Variants in ALMS1 observed in about 807,000 individuals in gnomAD.
ALMS1 encodes the protein ALMS1 centrosome and basal body associated protein.
Under a neutral mutation model 352.2 loss-of-function variants are expected in ALMS1, and 271 were observed. The observed-to-expected ratio is 0.77, with a 90% CI of 0.70 to 0.85. The LOEUF is 0.85. Among genes scored for constraint, ALMS1 ranks in the 40% least tolerant of loss-of-function variants. ALMS1 has a pLI of 0.00. For synonymous variants in ALMS1, 1,865 were observed against 1,761.2 expected (o/e 1.06, Z -1.48); for missense variants, 5,445 against 4,870.7 (o/e 1.12, Z -3.51).
intron 16 of ALMS1, among the ~76,000 whole-genome samples, chr2:73,575,835 T>G (rs1675041275): frequency 6.9e-6 from 1 of 144,628 alleles, no homozygotes; most frequent in African/African-American, 2.8e-5. Context: ...TAAATTTTGA[T>G]GTAGTCCAAT....
intron 15 of ALMS1, among the ~76,000 whole-genome samples, chr2:73,568,213 T>A (rs1017758351): frequency 6.6e-6 from 1 of 152,228 alleles, no homozygotes; most frequent in African/African-American, 2.4e-5. Context: ...CTTAGTATTG[T>A]TGAGTACATG....
intron 15 of ALMS1, among the ~76,000 whole-genome samples, chr2:73,564,460 C>A (rs907065911): frequency 3.7e-5 from 5 of 134,776 alleles, no homozygotes; most frequent in Non-Finnish European, 6.2e-5. Flanking sequence ...AGCAAGACTC[C>A]GTCTCAAAAA....
chr2:73,596,519 G>T (rs6723245), intron 16 of ALMS1, among the ~76,000 whole-genome samples: 9,208 of 150,110 alleles, frequency 0.061, 677 homozygotes, highest in African/African-American at 0.17. Context: ...TCATCAAGGC[G>T]GGAGTGCAGT....
intron 13 of ALMS1, among the ~76,000 whole-genome samples, chr2:73,555,992 C>G (rs570194353): frequency 6.6e-6 from 1 of 152,070 alleles, no homozygotes; most frequent in African/African-American, 2.4e-5. Context: ...TAAAGAATTA[C>G]AAAACATCCT....
chr2:73,595,204 T>C (rs1260842754), intron 16 of ALMS1, among the ~76,000 whole-genome samples: 3 of 152,196 alleles, frequency 2.0e-5, no homozygotes, highest in African/African-American at 7.2e-5. Flanking sequence ...TAAAATTTCA[T>C]CCATTTTAAG....
intron 1 of ALMS1, among the ~76,000 whole-genome samples, chr2:73,399,001 G>A (rs1462618296): frequency 6.6e-6 from 1 of 152,060 alleles, no homozygotes; most frequent in Non-Finnish European, 1.5e-5. Flanking sequence ...CTGCCACCAT[G>A]CCTGGCTAAT....
chr2:73,530,341 C>T (rs1306411812), intron 11 of ALMS1, among the ~76,000 whole-genome samples: 1 of 152,214 alleles, frequency 6.6e-6, no homozygotes, highest in Admixed American at 6.5e-5. Context: ...TTACAGGCCC[C>T]ATGCAAGTTG....
At chr2:73,414,674 T>A (rs1349830137) in intron 2 of ALMS1, among the ~76,000 whole-genome samples, 1 of 152,014 alleles carries the variant, frequency 6.6e-6, no homozygotes, top group East Asian at 1.9e-4. Context: ...TTATTAATCA[T>A]TACATAACTT....
chr2:73,573,671 A>G (rs1050981392), intron 16 of ALMS1: 8 of 622,640 alleles, frequency 1.3e-5, no homozygotes, highest in Non-Finnish European at 2.3e-5. Context: ...CACAGTCTGC[A>G]AAGTTTACCC....
At chr2:73,585,317 G>A (rs1244166303) in intron 16 of ALMS1, among the ~76,000 whole-genome samples, 1 of 151,200 alleles carries the variant, frequency 6.6e-6, no homozygotes, top group African/African-American at 2.4e-5. Flanking sequence ...TTTATTTATG[G>A]CCATTCTTGC....
At chr2:73,492,656 A>G (rs1381786754) in intron 10 of ALMS1, among the ~76,000 whole-genome samples, 1 of 152,190 alleles carries the variant, frequency 6.6e-6, no homozygotes. Context: ...TTAGGGATTG[A>G]GATAATAGAT....
In ALMS1 at chr2:73,419,054, C is replaced by T. The variant is rs939529748; in HGVS notation, c.451-69C>T. Reference sequence around the variant, plus strand: ...TATATAATACATGAGTGGACATTTTCATCTAAATATTAATATGTATGGTAA... The same window carrying T: ...TATATAATACATGAGTGGACATTTTTATCTAAATATTAATATGTATGGTAA... On this transcript the variant is annotated intron_variant, in intron 2 of 22. Transcript: ENST00000613296. 7 of 1,311,386 alleles carry T rather than the reference C, an allele frequency of 5.3e-6. No homozygotes were observed. The African/African-American group carries it at 1.0e-4, about 19-fold the overall frequency. The allele number at this position is 1,311,386 out of a possible 1,614,324, so 81.2% of individuals were successfully genotyped here.
intron 9 of ALMS1, among the ~76,000 whole-genome samples, chr2:73,484,217 G>T (rs879738431): frequency 0.06 from 9,147 of 151,672 alleles, 761 homozygotes; most frequent in African/African-American, 0.16. Flanking sequence ...GGTACTGGTT[G>T]TTCCTTTCCA....
At chr2:73,464,575 A>G (rs533184862) in intron 9 of ALMS1, among the ~76,000 whole-genome samples, 13 of 152,290 alleles carry the variant, frequency 8.5e-5, no homozygotes, top group South Asian at 4.1e-4. Context: ...TATTCAACAT[A>G]GTGTTGGAAG....
chr2:73,454,410 C>G (rs1260814469), intron 8 of ALMS1: 1 of 969,710 alleles, frequency 1.0e-6, no homozygotes, highest in African/African-American at 1.8e-5. Flanking sequence ...CTAAAGCTAT[C>G]ACGTTTCTCT....
chr2:73,580,863 A>G, intron 16 of ALMS1, among the ~76,000 whole-genome samples: 1 of 152,078 alleles, frequency 6.6e-6, no homozygotes, highest in East Asian at 1.9e-4. Flanking sequence ...TTTGATAGAG[A>G]TTTTCTTAAA....
intron 14 of ALMS1, 48 bp from the exon 15 acceptor site, chr2:73,558,924 T>G (rs772843533): frequency 7.5e-6 from 12 of 1,598,246 alleles, no homozygotes; most frequent in African/African-American, 1.3e-5. Context: ...TTAAAAATCT[T>G]TTATGTCAAG....
rs1396386580 is a variant in ALMS1 at position 73,491,468 on chromosome 2, A to G, written c.9509A>G (p.Asn3170Ser). Residue 3170 changes from asparagine (N) to serine (S), a missense_variant, in exon 10 of 23, where the codon AAT becomes AGT. Transcript: ENST00000613296. The stretch of plus-strand genomic sequence containing the variant: ...ATTTCAGATTTCGAAGGACATTCCA[A>G]TCCAGAGGGGACCCCAGTATTTGCA... Reference protein sequence around the residue: ...VNISDFEGHSNPEGTPVFADR... With the variant: ...VNISDFEGHSSPEGTPVFADR... The G allele has an allele frequency of 1.3e-5, 21 of 1,614,084 alleles. No individual in the cohort carries two copies. The highest frequency in any genetic ancestry group is 3.3e-5 in the Admixed American group (2 of 60,022).
intron 1 of ALMS1, among the ~76,000 whole-genome samples, chr2:73,404,018 G>A (rs1032293690): frequency 3.3e-5 from 5 of 152,116 alleles, no homozygotes; most frequent in Non-Finnish European, 7.4e-5. Context: ...TCCTGCCTCA[G>A]CTTCGCAAAT....
Sources: gnomAD v4.1 joint callset for allele counts (sites outside exome capture counted in the v4.1 genomes callset) on GRCh38, gnomAD v4.1.1 for gene constraint, MANE v1.5 for transcripts, NCBI Gene and HGNC (gene_info 2026-07-23, HGNC 2026-07-21) for gene names.